DYNC1I1: variants seen among roughly 807,000 people sequenced by gnomAD.
DYNC1I1 encodes cytoplasmic dynein 1 intermediate chain 1.
In DYNC1I1, 43 loss-of-function variants were observed where a neutral mutation model predicts 86.6. The observed-to-expected ratio is 0.50, with a 90% CI of 0.39 to 0.64. DYNC1I1 has a LOEUF of 0.64. Among genes scored for constraint, DYNC1I1 ranks in the 30% least tolerant of loss-of-function variants. The probability of loss-of-function intolerance (pLI) is 0.00; values close to 1 mark genes in which losing one functional copy is unlikely to be tolerated. For missense variants in DYNC1I1, 604 were observed against 788.8 expected (o/e 0.77, Z 2.81); for synonymous variants, 262 against 283.7 (o/e 0.92, Z 0.77).
intron 6 of DYNC1I1, among the ~76,000 whole-genome samples, chr7:95,918,003 C>A (rs1178591252): frequency 1.3e-5 from 2 of 152,154 alleles, no homozygotes; most frequent in Non-Finnish European, 2.9e-5. Context: ...ACATGAGGAC[C>A]AGTGGTTGAG....
intron 6 of DYNC1I1, among the ~76,000 whole-genome samples, chr7:95,927,216 A>G (rs1348794980): frequency 6.6e-6 from 1 of 152,180 alleles, no homozygotes; most frequent in Non-Finnish European, 1.5e-5. Flanking sequence ...GAACTCTGCA[A>G]CCATTTATAC....
At chr7:95,814,796 A>T (rs551308406) in intron 4 of DYNC1I1, among the ~76,000 whole-genome samples, 7 of 152,196 alleles carry the variant, frequency 4.6e-5, no homozygotes, top group South Asian at 2.1e-4. Flanking sequence ...TTAAAAAAAA[A>T]GTAGAGGTTT....
intron 6 of DYNC1I1, among the ~76,000 whole-genome samples, chr7:95,938,780 T>C (rs1486763294): frequency 6.6e-6 from 1 of 152,078 alleles, no homozygotes; most frequent in Non-Finnish European, 1.5e-5. Flanking sequence ...GTTGTGGTAG[T>C]GGTAGTAGCA....
chr7:95,915,886 A>G (rs1791455841), intron 6 of DYNC1I1, among the ~76,000 whole-genome samples: 1 of 152,248 alleles, frequency 6.6e-6, no homozygotes, highest in Non-Finnish European at 1.5e-5. Flanking sequence ...TGCAGCTCAC[A>G]GGCAGAGAAA....
At chr7:95,900,521 T>C (rs1336537873) in intron 6 of DYNC1I1, among the ~76,000 whole-genome samples, 1 of 152,068 alleles carries the variant, frequency 6.6e-6, no homozygotes, top group Non-Finnish European at 1.5e-5. Flanking sequence ...ATAGTTAAAT[T>C]TGGAGTCAAG....
At chr7:95,869,758 GC>G in intron 5 of DYNC1I1, 124 bp from the exon 6 acceptor site, 1 of 928,820 alleles carries the variant, frequency 1.1e-6, no homozygotes, top group East Asian at 2.5e-5. Flanking sequence ...TCATGACCCT[GC>G]CCCTTGCACT....
chr7:95,934,137 T>C (rs948318993), intron 6 of DYNC1I1, among the ~76,000 whole-genome samples: 1 of 152,124 alleles, frequency 6.6e-6, no homozygotes, highest in Admixed American at 6.5e-5. Context: ...GACTAAAAAC[T>C]GCATGGAGAC....
intron 6 of DYNC1I1, among the ~76,000 whole-genome samples, chr7:95,944,277 C>T (rs1003571917): frequency 3.9e-5 from 6 of 152,200 alleles, no homozygotes; most frequent in African/African-American, 1.4e-4. Context: ...TGAAAAAATG[C>T]TCACCATCAC....
At chr7:95,956,378 CTCTTTT>C (rs1001616810) in intron 6 of DYNC1I1, among the ~76,000 whole-genome samples, 1 of 132,108 alleles carries the variant, frequency 7.6e-6, no homozygotes, top group African/African-American at 3.4e-5. Flanking sequence ...TTCTTTTTTT[CTCTTTT>C]TTTTTTTTTT....
chr7:96,103,991 CATGAA>C (rs1186305676), intron 16 of DYNC1I1, among the ~76,000 whole-genome samples: 1 of 152,144 alleles, frequency 6.6e-6, no homozygotes, highest in Admixed American at 6.5e-5. Flanking sequence ...TTTTGGTGAG[CATGAA>C]ATGGTATCTA....
downstream of DYNC1I1, among the ~76,000 whole-genome samples, chr7:96,101,629 G>C (rs910663021): frequency 1.3e-5 from 2 of 152,180 alleles, no homozygotes; most frequent in African/African-American, 2.4e-5. Context: ...ATGTAATGGA[G>C]TGTTTACTAA....
rs74521782 is a variant in DYNC1I1 at position 95,935,808 on chromosome 7, C to T, written c.491-41704C>T. On this transcript the variant is annotated intron_variant, in intron 6 of 16. Transcript: ENST00000447467. ...GAAATGGACGACAGATTTAAATAGA[C>T]ATTTCTCCAAAAAAGACATACAAAT... is the stretch of plus-strand genomic sequence containing the variant. Among the ~76,000 whole-genome samples the T allele has an allele frequency of 4.1e-3, 631 of 152,110 alleles. 17 individuals are homozygous for T. The East Asian group carries it at 0.089, about 22-fold the overall frequency.
intron 1 of DYNC1I1, among the ~76,000 whole-genome samples, chr7:95,790,390 TACC>T (rs1472084989): frequency 6.6e-6 from 1 of 152,180 alleles, no homozygotes; most frequent in East Asian, 1.9e-4. Flanking sequence ...TCATTCTTCT[TACC>T]TCCCACCTTT....
At chr7:95,951,131 A>T (rs1414191150) in intron 6 of DYNC1I1, among the ~76,000 whole-genome samples, 1 of 152,182 alleles carries the variant, frequency 6.6e-6, no homozygotes, top group Non-Finnish European at 1.5e-5. Context: ...CAGTTCCAGA[A>T]GTTGTGTGAT....
intron 14 of DYNC1I1, among the ~76,000 whole-genome samples, chr7:96,065,464 A>G (rs1348670267): frequency 2.1e-5 from 3 of 142,334 alleles, no homozygotes; most frequent in Admixed American, 7.5e-5. Flanking sequence ...TGCAGACTCT[A>G]TCTCCAGGAT....
rs1204117542 is a variant in DYNC1I1 at position 95,845,060 on chromosome 7, A to G, written c.374+16944A>G. Among the ~76,000 whole-genome samples the G allele has an allele frequency of 2.6e-5, 4 of 152,230 alleles. No individual in the cohort carries two copies. The East Asian group carries it at 7.7e-4, about 29-fold the overall frequency. On this transcript the variant is annotated intron_variant, in intron 5 of 16. Transcript: ENST00000447467. Reference sequence around the variant, plus strand: ...GTACAGTTTGAAGGTTAAAGGCAAGATGAGAGTTGGTCAGATCAGATCTCT... The same window carrying G: ...GTACAGTTTGAAGGTTAAAGGCAAGGTGAGAGTTGGTCAGATCAGATCTCT...
chr7:95,884,869 A>G (rs1790552646), intron 6 of DYNC1I1, among the ~76,000 whole-genome samples: 1 of 152,166 alleles, frequency 6.6e-6, no homozygotes, highest in African/African-American at 2.4e-5. Flanking sequence ...GTTTCTCCTC[A>G]ACCTCAGTAA....
At chr7:95,788,759 A>G (rs1440481519) in intron 1 of DYNC1I1, among the ~76,000 whole-genome samples, 1 of 152,164 alleles carries the variant, frequency 6.6e-6, no homozygotes, top group African/African-American at 2.4e-5. Flanking sequence ...CCACTCTGCT[A>G]CTTCCCAAGG....
At chr7:95,871,704 T>C (rs1396165621) in intron 6 of DYNC1I1, among the ~76,000 whole-genome samples, 3 of 152,212 alleles carry the variant, frequency 2.0e-5, no homozygotes, top group Admixed American at 2.0e-4. Context: ...CTCTAAAGTT[T>C]TAAACTGGAG....
Sources: allele counts gnomAD v4.1 joint callset (sites outside exome capture counted in the v4.1 genomes callset), GRCh38; gene constraint gnomAD v4.1.1; transcripts MANE v1.5; gene names NCBI Gene and HGNC (gene_info 2026-07-23, HGNC 2026-07-21).